The following NKTR variants were observed in gnomAD, a reference collection of about 807,000 sequenced individuals.
NKTR encodes the protein NK-tumor recognition protein.
NKTR carries 67 observed loss-of-function variants against 156.3 expected under a neutral mutation model. That is an observed-to-expected ratio of 0.43 (90% CI 0.35 to 0.53). NKTR has a LOEUF of 0.53. Among genes scored for constraint, NKTR ranks in the 20% least tolerant of loss-of-function variants. The pLI is 0.01. For missense variants in NKTR, 1,604 were observed against 1,730.9 expected (o/e 0.93, Z 1.30); for synonymous variants, 640 against 596.6 (o/e 1.07, Z -1.06).
intron 5 of NKTR, chr3:42,620,012 A>G (rs1707756009): frequency 2.0e-6 from 3 of 1,533,862 alleles, no homozygotes; most frequent in Non-Finnish European, 1.7e-6. Flanking sequence ...TCTTTTGTTT[A>G]TAGAGAATGT....
intron 5 of NKTR, chr3:42,621,194 T>A: frequency 8.9e-7 from 1 of 1,122,422 alleles, no homozygotes; most frequent in Non-Finnish European, 1.1e-6. Context: ...TCTAAGGCTG[T>A]TTGTGTGAAG....
intron 15 of NKTR, 125 bp from the exon 16 acceptor site, chr3:42,643,777 T>C (rs1040559344): frequency 8.6e-6 from 6 of 699,672 alleles, no homozygotes; most frequent in Admixed American, 6.9e-5. Flanking sequence ...TTTGGAAATA[T>C]ATCCTCATGC....
intron 6 of NKTR, chr3:42,628,215 T>G: frequency 2.0e-6 from 2 of 985,428 alleles, no homozygotes; most frequent in Non-Finnish European, 2.4e-6. Context: ...GTAATGGACT[T>G]TAATCATTCA....
intron 5 of NKTR, chr3:42,620,431 T>G (rs1707804840): frequency 1.0e-6 from 1 of 1,001,046 alleles, no homozygotes; most frequent in Non-Finnish European, 1.2e-6. Context: ...CTTAGAAAAG[T>G]CAGTTGCAGA....
rs1191492886 is a variant in NKTR at position 42,632,784 on chromosome 3, C to T, written c.734C>T (p.Ser245Leu). The T allele has an allele frequency of 1.2e-6, 2 of 1,609,430 alleles. No homozygotes were observed. Among genetic ancestry groups the T allele is most frequent in the South Asian group, 1.1e-5 (1 of 89,678 alleles). The change falls in exon 9 of 17, where the codon TCA becomes TTA. Residue 245 changes from serine (S) to leucine (L), a missense_variant. Coordinates refer to ENST00000232978, the MANE Select transcript of NKTR (RefSeq NM_005385.4). Reference protein sequence around the residue: ...SKKRRKEASSSEEPRNKHAMN... With the variant: ...SKKRRKEASSLEEPRNKHAMN... ...AAGAGGCGAAAGGAAGCAAGCAGTT[C>T]AGAAGAGCCAAGGAATAAACATGCA...
intron 2 of NKTR, among the ~76,000 whole-genome samples, chr3:42,604,374 G>C (rs1345654951): frequency 1.4e-5 from 2 of 145,034 alleles, no homozygotes; most frequent in African/African-American, 4.9e-5. Context: ...TTGTTGATTT[G>C]ATACCTTTTT....
intron 6 of NKTR, chr3:42,629,901 C>A: frequency 1.0e-6 from 1 of 985,366 alleles, no homozygotes; most frequent in Non-Finnish European, 1.2e-6. Context: ...CAATGTTATC[C>A]ATCATTACTT....
chr3:42,645,810 T>TA, intron 16 of NKTR, 78 bp from the exon 17 acceptor site: 1 of 901,970 alleles, frequency 1.1e-6, no homozygotes, highest in Non-Finnish European at 1.7e-6. Context: ...AAGCCACTCA[T>TA]ATAAAAAACA....
chr3:42,633,437 C>G, intron 9 of NKTR, 143 bp from the exon 10 acceptor site: 1 of 1,415,996 alleles, frequency 7.1e-7, no homozygotes, highest in Non-Finnish European at 9.2e-7. Context: ...ATATTGTTCT[C>G]TTTGTGAAAA....
chr3:42,612,120 A>G lies in NKTR; in HGVS notation c.59-5450A>G, dbSNP rs984354366. Among the ~76,000 whole-genome samples the G allele has an allele frequency of 3.3e-5, 5 of 152,224 alleles. No homozygotes were observed. The East Asian group carries it at 9.6e-4, about 29-fold the overall frequency. ...TGTCTCTTAAAAAATAAAATACATT[A>G]TTTTTATATCACAGGCATGAGAAAA... On this transcript the variant is annotated intron_variant, in intron 2 of 16. Coordinates refer to ENST00000232978, the MANE Select transcript of NKTR (RefSeq NM_005385.4).
At chr3:42,629,460 T>C in intron 6 of NKTR, 1 of 958,064 alleles carries the variant, frequency 1.0e-6, no homozygotes, top group Non-Finnish European at 1.2e-6. Context: ...TAAATATTTT[T>C]AGCATTGTTA....
At chr3:42,616,480 A>C (rs926075667) in intron 2 of NKTR, among the ~76,000 whole-genome samples, 2 of 152,222 alleles carry the variant, frequency 1.3e-5, no homozygotes, top group African/African-American at 2.4e-5. Flanking sequence ...TGATGATATC[A>C]CTGCCCTGAC....
chr3:42,620,138 G>T (rs1707774000), intron 5 of NKTR: 1 of 1,447,436 alleles, frequency 6.9e-7, no homozygotes, highest in South Asian at 1.5e-5. Flanking sequence ...GTTGTGGCTG[G>T]ATTTCTATAT....
intron 6 of NKTR, among the ~76,000 whole-genome samples, chr3:42,626,274 T>C (rs925006483): frequency 5.3e-5 from 8 of 152,138 alleles, no homozygotes; most frequent in Admixed American, 1.3e-4. Flanking sequence ...TTTAAGCTTA[T>C]TTTTAAATAT....
chr3:42,618,880 A>G, intron 3 of NKTR, 140 bp from the exon 4 acceptor site: 2 of 680,872 alleles, frequency 2.9e-6, no homozygotes, highest in Non-Finnish European at 4.8e-6. Flanking sequence ...ATGTTAAATT[A>G]TCATGTCATC....
intron 6 of NKTR, chr3:42,629,934 G>A (rs1708740073): frequency 2.0e-6 from 2 of 985,344 alleles, no homozygotes; most frequent in African/African-American, 3.5e-5. Context: ...AGGGATGGCA[G>A]ATTGAAGCTT....
At position 42,638,309 on chromosome 3, in the gene NKTR, C is replaced by T; in HGVS notation, c.2605C>T (p.Leu869Phe). ...TTTGAAAGAGAATCTTTCTGATCAC[C>T]TTAGAAATGGCAGTAAGCCCAAAAG... Reference protein sequence around the residue: ...RTLKENLSDHLRNGSKPKRKN... With the variant: ...RTLKENLSDHFRNGSKPKRKN... The change falls in exon 13 of 17, where the codon CTT (leucine) becomes TTT (phenylalanine). Residue 869 changes from leucine to phenylalanine, a missense_variant. Leu to Phe is a conservative substitution (Grantham distance 22, BLOSUM62 0). Coordinates refer to ENST00000232978, the MANE Select transcript of NKTR (RefSeq NM_005385.4). The T allele has an allele frequency of 2.5e-6, 4 of 1,610,522 alleles. No homozygotes were observed. The highest frequency in any genetic ancestry group is 2.2e-5 in the South Asian group (2 of 90,296).
chr3:42,617,475 TA>T (rs1707487227), intron 2 of NKTR, 94 bp from the exon 3 acceptor site: 1 of 642,566 alleles, frequency 1.6e-6, no homozygotes, highest in Admixed American at 2.8e-5. Flanking sequence ...ATTACAAAAA[TA>T]GACTTTCTAA....
chr3:42,622,974 C>A (rs1286405780), intron 6 of NKTR, among the ~76,000 whole-genome samples: 1 of 151,962 alleles, frequency 6.6e-6, no homozygotes, highest in Non-Finnish European at 1.5e-5. Flanking sequence ...CAAGTAGCAG[C>A]AGCTTCTTGA....
Sources: allele counts gnomAD v4.1 joint callset (sites outside exome capture counted in the v4.1 genomes callset), GRCh38; gene constraint gnomAD v4.1.1; transcripts MANE v1.5; gene names NCBI Gene and HGNC (gene_info 2026-07-23, HGNC 2026-07-21).